Variants in MYH15 observed in about 807,000 individuals in gnomAD.
The protein encoded by MYH15 is myosin heavy chain 15.
A neutral mutation model predicts 240.5 loss-of-function variants in MYH15; 227 were observed. That is an observed-to-expected ratio of 0.94 (90% CI 0.85 to 1.05). MYH15 has a LOEUF of 1.05. Ranked by LOEUF, MYH15 falls within the 50% of genes least tolerant of loss-of-function variation. MYH15 has a pLI of 0.00. For missense variants in MYH15, 2,217 were observed against 2,247.5 expected (o/e 0.99, Z 0.27); for synonymous variants, 785 against 796.7 (o/e 0.99, Z 0.25).
intron 2 of MYH15, among the ~76,000 whole-genome samples, chr3:108,505,331 T>G (rs2083467329): frequency 6.6e-6 from 1 of 152,290 alleles, no homozygotes; most frequent in Admixed American, 6.5e-5. Context: ...TGCAGTGATG[T>G]GATCTCTGCT....
At chr3:108,505,418 T>C (rs939345806) in intron 2 of MYH15, among the ~76,000 whole-genome samples, 5 of 152,078 alleles carry the variant, frequency 3.3e-5, no homozygotes, top group African/African-American at 1.2e-4. Flanking sequence ...TACAAGCATG[T>C]ACCACCACGA....
intron 6 of MYH15, 59 bp from the exon 7 acceptor site, chr3:108,495,931 G>T: frequency 7.6e-7 from 1 of 1,320,684 alleles, no homozygotes; most frequent in Non-Finnish European, 1.1e-6. Context: ...TCTGTAATGC[G>T]GCAAGCCCTC....
intron 30 of MYH15, among the ~76,000 whole-genome samples, chr3:108,412,249 C>T (rs1376454105): frequency 6.6e-6 from 1 of 152,088 alleles, no homozygotes; most frequent in East Asian, 1.9e-4. Flanking sequence ...GAGGCGGTAA[C>T]CTTCATGTTG....
At chr3:108,550,705 C>CT in the MYH15 span, 1 of 151,788 alleles carries the variant, frequency 6.6e-6, no homozygotes, top group East Asian at 1.9e-4. Flanking sequence ...TACCTTCTCT[C>CT]TTTTTACTTT....
intron 12 of MYH15, among the ~76,000 whole-genome samples, chr3:108,475,677 T>G (rs2083213975): frequency 6.6e-6 from 1 of 152,152 alleles, no homozygotes; most frequent in African/African-American, 2.4e-5. Context: ...TAAGAAATAT[T>G]TTGTTGTCAC....
intron 14 of MYH15, among the ~76,000 whole-genome samples, chr3:108,468,670 T>A (rs1325143628): frequency 6.6e-6 from 1 of 152,232 alleles, no homozygotes; most frequent in East Asian, 1.9e-4. Flanking sequence ...GGAAATTACA[T>A]CCGTGATGCT....
intron 30 of MYH15, 109 bp downstream of exon 30, chr3:108,414,123 C>T (rs1212572246): frequency 2.0e-5 from 24 of 1,199,560 alleles, no homozygotes; most frequent in East Asian, 2.5e-5. Flanking sequence ...TTCCTGCACT[C>T]GGCAAGGATT....
chr3:108,432,296 C>T (rs1438310917), intron 25 of MYH15, among the ~76,000 whole-genome samples: 2 of 152,068 alleles, frequency 1.3e-5, no homozygotes, highest in African/African-American at 2.4e-5. Context: ...TGAGCTCAGG[C>T]AATCTGGCCG....
intron 12 of MYH15, among the ~76,000 whole-genome samples, chr3:108,473,657 C>T (rs2083195740): frequency 6.6e-6 from 1 of 152,134 alleles, no homozygotes; most frequent in South Asian, 2.1e-4. Context: ...CTTAGTACAT[C>T]ACCTATAGTT....
chr3:108,447,488 A>G (rs1043364966), intron 21 of MYH15, among the ~76,000 whole-genome samples: 5 of 152,168 alleles, frequency 3.3e-5, no homozygotes, highest in African/African-American at 7.2e-5. Context: ...CTTGTCACAT[A>G]TAATGAAACC....
chr3:108,385,785 T>C (rs995044087), intron 38 of MYH15, among the ~76,000 whole-genome samples: 1 of 148,196 alleles, frequency 6.7e-6, no homozygotes, highest in African/African-American at 2.5e-5. Context: ...TTACCTTCCA[T>C]TCCCCCCACC....
chr3:108,394,238 G>A, intron 35 of MYH15, 82 bp from the exon 36 acceptor site: 10 of 1,575,914 alleles, frequency 6.3e-6, no homozygotes, highest in South Asian at 3.4e-5. Context: ...CATGCAATGG[G>A]AGTCAGCTCT....
At chr3:108,469,959 C>T (rs1162434008) in intron 14 of MYH15, 83 bp downstream of exon 14, 15 of 1,372,466 alleles carry the variant, frequency 1.1e-5, no homozygotes, top group Non-Finnish European at 1.4e-5. Context: ...TCTGATAGGG[C>T]CTAAGTCCTG....
intron 12 of MYH15, among the ~76,000 whole-genome samples, chr3:108,473,523 C>A (rs896946163): frequency 1.3e-5 from 2 of 152,110 alleles, no homozygotes; most frequent in African/African-American, 4.8e-5. Flanking sequence ...TATTTACTTA[C>A]TAGTTGTGTC....
At chr3:108,514,847 C>T (rs2083548178), upstream of MYH15, among the ~76,000 whole-genome samples, 1 of 152,156 alleles carries the variant, frequency 6.6e-6, no homozygotes, top group Non-Finnish European at 1.5e-5. Context: ...ATTCTCTGCC[C>T]ACCATTCCAA....
At chr3:108,399,622 G>A (rs998587235) in intron 33 of MYH15, among the ~76,000 whole-genome samples, 6 of 152,122 alleles carry the variant, frequency 3.9e-5, no homozygotes, top group African/African-American at 1.4e-4. Flanking sequence ...TGGTGGCTAA[G>A]GATGAAGGAA....
intron 36 of MYH15, 46 bp from the exon 37 acceptor site, chr3:108,391,976 A>G (rs368324159): frequency 3.6e-5 from 58 of 1,591,978 alleles, no homozygotes; most frequent in Non-Finnish European, 4.8e-5. Flanking sequence ...CAGTCAATTG[A>G]TCTTAACATT....
At chr3:108,465,562 C>A (rs1448071239) in intron 14 of MYH15, among the ~76,000 whole-genome samples, 1 of 152,150 alleles carries the variant, frequency 6.6e-6, no homozygotes, top group Non-Finnish European at 1.5e-5. Flanking sequence ...GAAAGTAGGG[C>A]TCATGGGCTC....
intron 1 of MYH15, among the ~76,000 whole-genome samples, chr3:108,528,933 G>C (rs1271295618): frequency 6.6e-6 from 1 of 152,176 alleles, no homozygotes; most frequent in African/African-American, 2.4e-5. Flanking sequence ...TAAGTACAGA[G>C]AGGAAATTCA....
Sources: gnomAD v4.1 joint callset for allele counts (sites outside exome capture counted in the v4.1 genomes callset) on GRCh38, gnomAD v4.1.1 for gene constraint, MANE v1.5 for transcripts, NCBI Gene and HGNC (gene_info 2026-07-23, HGNC 2026-07-21) for gene names.